Variants in NFKB1 observed in about 807,000 individuals in gnomAD.
The protein encoded by NFKB1 is nuclear factor NF-kappa-B p105 subunit.
In NFKB1, 9 loss-of-function variants were observed where a neutral mutation model predicts 105.1. The ratio of observed to expected loss-of-function variants is 0.09; its 90% CI spans 0.05 to 0.15. The LOEUF is 0.15. Ranked by LOEUF, NFKB1 falls within the 10% of genes least tolerant of loss-of-function variation. NFKB1 has a pLI of 1.00. For synonymous variants in NFKB1, 440 were observed against 442.2 expected (o/e 1.00, Z 0.06); for missense variants, 830 against 1,203.7 (o/e 0.69, Z 4.59).
chr4:102,541,653 G>A (rs570061661), intron 5 of NFKB1, among the ~76,000 whole-genome samples: 9 of 152,242 alleles, frequency 5.9e-5, no homozygotes, highest in South Asian at 2.1e-4. Context: ...CAGAGGCCTC[G>A]TGGAGGGTGG....
intron 5 of NFKB1, among the ~76,000 whole-genome samples, chr4:102,563,237 G>T (rs535104366): frequency 1.3e-5 from 2 of 152,258 alleles, no homozygotes; most frequent in South Asian, 4.1e-4. Context: ...GAGTCATAAA[G>T]CTCCTGGAAG....
At chr4:102,503,423 T>G (rs1008698029) in intron 1 of NFKB1, 9 of 152,198 alleles carry the variant, frequency 5.9e-5, no homozygotes, top group Admixed American at 5.9e-4. Context: ...CATTTAATAC[T>G]GGAACCGAAA....
intron 11 of NFKB1, among the ~76,000 whole-genome samples, chr4:102,592,772 C>A (rs551696646): frequency 6.7e-4 from 102 of 152,140 alleles, no homozygotes; most frequent in Non-Finnish European, 1.3e-3. Flanking sequence ...TCAAAAGCAC[C>A]CTGTGTACAT....
At chr4:102,515,832 A>T (rs1284825956) in intron 1 of NFKB1, among the ~76,000 whole-genome samples, 2 of 152,168 alleles carry the variant, frequency 1.3e-5, no homozygotes, top group Admixed American at 1.3e-4. Context: ...TCACATATTT[A>T]TCATTATTGA....
chr4:102,505,517 T>G (rs1233964433), intron 1 of NFKB1, among the ~76,000 whole-genome samples: 2 of 152,200 alleles, frequency 1.3e-5, no homozygotes, highest in Non-Finnish European at 2.9e-5. Flanking sequence ...TGCCTTATTA[T>G]TTTTCATTCA....
intron 5 of NFKB1, among the ~76,000 whole-genome samples, chr4:102,543,157 C>T (rs556767048): frequency 9.3e-4 from 142 of 152,214 alleles, no homozygotes; most frequent in Non-Finnish European, 1.9e-3. Flanking sequence ...CTATTTTTCC[C>T]GAAAGCCACG....
chr4:102,603,439 C>A (rs1406464562), intron 16 of NFKB1, among the ~76,000 whole-genome samples: 1 of 152,028 alleles, frequency 6.6e-6, no homozygotes, highest in Non-Finnish European at 1.5e-5. Context: ...TGTTGAGACT[C>A]TCCAGTGTGT....
chr4:102,584,659 A>C, intron 10 of NFKB1, 23 bp from the exon 11 acceptor site: 1 of 1,573,662 alleles, frequency 6.4e-7, no homozygotes, highest in Non-Finnish European at 8.6e-7. Flanking sequence ...CTACACCAAC[A>C]TGTGGTTCTT....
intron 6 of NFKB1, among the ~76,000 whole-genome samples, chr4:102,568,452 G>T (rs1724056860): frequency 6.6e-6 from 1 of 152,128 alleles, no homozygotes; most frequent in South Asian, 2.1e-4. Context: ...TCCAATTCCT[G>T]ATTGACCTAG....
chr4:102,516,537 T>A (rs1740199595), intron 1 of NFKB1, among the ~76,000 whole-genome samples: 1 of 151,952 alleles, frequency 6.6e-6, no homozygotes, highest in African/African-American at 2.4e-5. Flanking sequence ...ATATGCTAAG[T>A]CCATCTAGTG....
chr4:102,569,117 C>A (rs1315665061), intron 6 of NFKB1, among the ~76,000 whole-genome samples: 1 of 152,012 alleles, frequency 6.6e-6, no homozygotes, highest in African/African-American at 2.4e-5. Context: ...TACACTATTT[C>A]TTTCATAATT....
At position 102,597,592 on chromosome 4, in the gene NFKB1, C is replaced by T. The variant is rs762191642; in HGVS notation, c.1568C>T (p.Thr523Ile). 9.3e-6 allele frequency: 15 copies of T among 1,613,980 alleles called. No individual in the cohort carries two copies. The highest frequency in any genetic ancestry group is 1.1e-5 in the Non-Finnish European group (13 of 1,179,940). ...AATGCCCTTTTCGACTACGCGGTGA[C>T]AGGAGACGTGAAGATGCTGCTGGCC... ...HANALFDYAV[T>I]GDVKMLLAVQ... Residue 523 changes from threonine (T) to isoleucine (I), a missense_variant, in exon 15 of 24, where the codon ACA becomes ATA. Physicochemically the swap from Thr to Ile is moderately conservative, Grantham distance 89 (BLOSUM62 -1). Coordinates refer to ENST00000226574, the MANE Select transcript of NFKB1 (RefSeq NM_003998.4).
chr4:102,507,342 T>C (rs1739486166), intron 1 of NFKB1, among the ~76,000 whole-genome samples: 1 of 152,240 alleles, frequency 6.6e-6, no homozygotes, highest in African/African-American at 2.4e-5. Flanking sequence ...AACAAGGCTC[T>C]AACTTTGTTA....
In NFKB1 at chr4:102,613,481, C is replaced by T. The variant is rs369470181; in HGVS notation, c.2649C>T (p.Thr883=). The change falls in exon 23 of 24, where the codon ACC becomes ACT. Residue 883 remains threonine (T), a synonymous_variant. Transcript: ENST00000226574. The part of the protein sequence containing the change: ...LVEALRQMGY[T]EAIEVIQAAS... The stretch of plus-strand genomic sequence containing the variant: ...AGGCCCTGAGACAAATGGGCTACAC[C>T]GAAGCAATTGAAGTGATCCAGGCAG... 85 of 1,613,794 alleles carry T rather than the reference C, an allele frequency of 5.3e-5. No individual in the cohort carries two copies. Among genetic ancestry groups the T allele is most frequent in the African/African-American group, 9.4e-5 (7 of 74,852 alleles).
chr4:102,561,760 T>C (rs1723463386), intron 5 of NFKB1, among the ~76,000 whole-genome samples: 1 of 151,734 alleles, frequency 6.6e-6, no homozygotes, highest in South Asian at 2.1e-4. Flanking sequence ...GGGGATTATC[T>C]GAGTTAGCAT....
intron 2 of NFKB1, among the ~76,000 whole-genome samples, chr4:102,529,474 C>G (rs1741135713): frequency 1.3e-5 from 2 of 152,162 alleles, no homozygotes; most frequent in South Asian, 4.1e-4. Context: ...GTACAAGCTT[C>G]AAATCATTCA....
intron 6 of NFKB1, among the ~76,000 whole-genome samples, chr4:102,571,641 A>G (rs1724369691): frequency 6.6e-6 from 1 of 152,232 alleles, no homozygotes; most frequent in Non-Finnish European, 1.5e-5. Context: ...TTACAAGAAA[A>G]AATCAAACAA....
In NFKB1 at chr4:102,514,035, C is replaced by T. The variant is rs759375741; in HGVS notation, c.-7-11477C>T. On this transcript the variant is annotated intron_variant, in intron 1 of 23. Transcript: ENST00000226574. ...AAAAAAATACAAAAACTTAGCCAGGCGTTGTGGTGGGCGCCTGTAGTCCCA... is the reference window on the plus strand; with the variant it reads ...AAAAAAATACAAAAACTTAGCCAGGTGTTGTGGTGGGCGCCTGTAGTCCCA... 5.6e-4 allele frequency among the ~76,000 whole-genome samples: 85 copies of T among 151,796 alleles called. 1 individual carries two copies. The highest frequency in any genetic ancestry group is 1.1e-3 in the Non-Finnish European group (72 of 67,944).
intron 5 of NFKB1, among the ~76,000 whole-genome samples, chr4:102,566,188 A>T (rs934006405): frequency 6.6e-6 from 1 of 152,194 alleles, no homozygotes; most frequent in Non-Finnish European, 1.5e-5. Context: ...AAATGTCATT[A>T]TCTCCATGCT....
Sources: gnomAD v4.1 joint callset for allele counts (sites outside exome capture counted in the v4.1 genomes callset) on GRCh38, gnomAD v4.1.1 for gene constraint, MANE v1.5 for transcripts, NCBI Gene and HGNC (gene_info 2026-07-23, HGNC 2026-07-21) for gene names.